The following AFF3 variants were observed in gnomAD, a reference collection of about 807,000 sequenced individuals.
AFF3 encodes the protein AF4/FMR2 family member 3.
Under a neutral mutation model 129.7 loss-of-function variants are expected in AFF3, and 32 were observed. The observed-to-expected ratio is 0.25, with a 90% confidence interval of 0.19 to 0.33. The LOEUF (loss-of-function observed/expected upper bound fraction) is 0.33. Among genes scored for constraint, AFF3 ranks in the 10% least tolerant of loss-of-function variants. The probability of loss-of-function intolerance (pLI) is 1.00; values close to 1 mark genes in which losing one functional copy is unlikely to be tolerated. For missense variants in AFF3, 1,373 were observed against 1,592.0 expected, an observed-to-expected ratio of 0.86 and a Z score of 2.34; for synonymous variants, 644 against 635.4, an observed-to-expected ratio of 1.01 and a Z score of -0.20.
intron 4 of AFF3, among the ~76,000 whole-genome samples, chr2:100,068,883 C>G (rs1454521670): frequency 2.6e-5 from 4 of 152,196 alleles, no homozygotes; most frequent in African/African-American, 9.6e-5. Flanking sequence ...GAGAGTCACA[C>G]AGAACTGAGT....
chr2:99,792,975 C>T (rs781633516), intron 8 of AFF3, among the ~76,000 whole-genome samples: 1 of 152,154 alleles, frequency 6.6e-6, no homozygotes, highest in East Asian at 1.9e-4. Flanking sequence ...CAACCGGTAA[C>T]ATCTGAGTGA....
At chr2:99,862,645 C>T (rs1200164154) in intron 7 of AFF3, among the ~76,000 whole-genome samples, 1 of 152,246 alleles carries the variant, frequency 6.6e-6, no homozygotes, top group Non-Finnish European at 1.5e-5. Flanking sequence ...TTATGCTCTT[C>T]ATCCTGTGTA....
At chr2:99,659,012 T>C (rs1307784363) in intron 12 of AFF3, among the ~76,000 whole-genome samples, 1 of 152,234 alleles carries the variant, frequency 6.6e-6, no homozygotes. Flanking sequence ...GAGGGTTATA[T>C]CCTTATTGTT....
intron 7 of AFF3, among the ~76,000 whole-genome samples, chr2:99,843,730 A>G (rs1689495718): frequency 6.6e-6 from 1 of 152,242 alleles, no homozygotes; most frequent in Admixed American, 6.5e-5. Context: ...TAATTATATT[A>G]GTTGACTATA....
At chr2:99,732,607 T>C (rs1341835465) in intron 10 of AFF3, among the ~76,000 whole-genome samples, 3 of 152,196 alleles carry the variant, frequency 2.0e-5, no homozygotes, top group African/African-American at 7.2e-5. Flanking sequence ...TGTGCAATAC[T>C]TTATTGTATA....
intron 8 of AFF3, among the ~76,000 whole-genome samples, chr2:99,770,151 C>T (rs942599426): frequency 9.9e-5 from 15 of 152,250 alleles, no homozygotes; most frequent in Middle Eastern, 3.4e-3. Context: ...TAGAAATCTA[C>T]GTGGCCTTCT....
intron 8 of AFF3, among the ~76,000 whole-genome samples, chr2:99,779,995 C>A (rs1196874394): frequency 2.6e-5 from 4 of 152,176 alleles, no homozygotes; most frequent in Non-Finnish European, 5.9e-5. Context: ...AAGAACACAT[C>A]TCATTCAAAA....
intron 11 of AFF3, among the ~76,000 whole-genome samples, chr2:99,693,685 T>C (rs975470232): frequency 6.6e-6 from 1 of 152,210 alleles, no homozygotes; most frequent in African/African-American, 2.4e-5. Context: ...ATGATTCTAA[T>C]ACTTTTTCTA....
At chr2:100,055,032 T>A (rs368689782) in intron 4 of AFF3, among the ~76,000 whole-genome samples, 2 of 152,228 alleles carry the variant, frequency 1.3e-5, no homozygotes, top group African/African-American at 4.8e-5. Flanking sequence ...GAGATTGCCT[T>A]GGTTGTTATT....
chr2:99,625,432 A>C (rs1419848846), intron 13 of AFF3, among the ~76,000 whole-genome samples: 1 of 152,156 alleles, frequency 6.6e-6, no homozygotes, highest in African/African-American at 2.4e-5. Context: ...TCCAACATAA[A>C]GATGTGTGGT....
At chr2:99,689,595 T>A (rs1223127970) in intron 11 of AFF3, among the ~76,000 whole-genome samples, 2 of 146,924 alleles carry the variant, frequency 1.4e-5, no homozygotes, top group Admixed American at 1.4e-4. Flanking sequence ...GACAGTACTG[T>A]CTGAGCCTTA....
chr2:99,824,684 C>A (rs751719457), intron 8 of AFF3, among the ~76,000 whole-genome samples: 3 of 152,074 alleles, frequency 2.0e-5, no homozygotes, highest in Non-Finnish European at 2.9e-5. Flanking sequence ...ATGATAATTC[C>A]TTTCAAACCT....
intron 4 of AFF3, among the ~76,000 whole-genome samples, chr2:100,042,213 G>A (rs1018982988): frequency 3.9e-5 from 6 of 152,094 alleles, no homozygotes; most frequent in Non-Finnish European, 7.4e-5. Context: ...CGAAACCTCC[G>A]TGCAGTAGTT....
intron 4 of AFF3, among the ~76,000 whole-genome samples, chr2:100,091,650 T>C (rs1353008265): frequency 1.3e-5 from 1 of 76,236 alleles, no homozygotes; most frequent in East Asian, 2.9e-4. Flanking sequence ...GAAACTTCCA[T>C]TTCTCATAGG....
At chr2:99,807,044 C>T (rs770711378) in intron 8 of AFF3, among the ~76,000 whole-genome samples, 5 of 152,192 alleles carry the variant, frequency 3.3e-5, no homozygotes, top group Non-Finnish European at 7.3e-5. Flanking sequence ...AGCCTAACCC[C>T]CCACATTCCC....
chr2:100,028,299 G>A lies in AFF3; in HGVS notation c.54-19367C>T, dbSNP rs147663449. On this transcript the variant is annotated intron_variant, in intron 4 of 24. Transcript: ENST00000672756. ...ACTTTACTTCGATAATGTCCTCCTA[G>A]GAATCTGACCAAAGAAAACTGTCAG... Among the ~76,000 whole-genome samples, 1,303 of 152,126 alleles carry A rather than the reference G, an allele frequency of 8.6e-3. 20 individuals carry two copies. Among genetic ancestry groups the A allele is most frequent in the African/African-American group, 0.03 (1,235 of 41,508 alleles).
chr2:99,717,003 A>G (rs1177174702), intron 11 of AFF3, among the ~76,000 whole-genome samples: 1 of 151,762 alleles, frequency 6.6e-6, no homozygotes, highest in Non-Finnish European at 1.5e-5. Context: ...TACAGTATAC[A>G]CTCTTATGTG....
At chr2:99,724,951 C>T (rs1390732022) in intron 11 of AFF3, among the ~76,000 whole-genome samples, 1 of 152,014 alleles carries the variant, frequency 6.6e-6, no homozygotes, top group African/African-American at 2.4e-5. Flanking sequence ...AAAGTAATTC[C>T]TCAGACAACT....
chr2:100,001,013 A>G (rs1573065317), intron 7 of AFF3, among the ~76,000 whole-genome samples: 1 of 152,164 alleles, frequency 6.6e-6, no homozygotes, highest in East Asian at 1.9e-4. Context: ...CCAACTCCAA[A>G]CACAGAAGCC....
Sources: allele counts gnomAD v4.1 joint callset (sites outside exome capture counted in the v4.1 genomes callset), GRCh38; gene constraint gnomAD v4.1.1; transcripts MANE v1.5; gene names NCBI Gene and HGNC (gene_info 2026-07-23, HGNC 2026-07-21).